SENP8: variants seen among roughly 807,000 people sequenced by gnomAD.
SENP8 encodes the protein sentrin-specific protease 8.
A neutral mutation model predicts 14.4 loss-of-function variants in SENP8; 10 were observed. The ratio of observed to expected loss-of-function variants is 0.69; its 90% CI spans 0.43 to 1.18. SENP8 has a LOEUF of 1.18. Ranked by LOEUF, SENP8 falls within the 50% of genes most tolerant of loss-of-function variation. SENP8 has a pLI of 0.00. For missense variants in SENP8, 202 were observed against 249.4 expected, an observed-to-expected ratio of 0.81 and a Z score of 1.28; for synonymous variants, 94 against 95.5, an observed-to-expected ratio of 0.98 and a Z score of 0.09.
chr15:72,119,679 C>T (rs1327012803), intron 1 of SENP8, among the ~76,000 whole-genome samples: 2 of 152,120 alleles, frequency 1.3e-5, no homozygotes, highest in Non-Finnish European at 2.9e-5. Flanking sequence ...ACCCGGAAGG[C>T]GGAGCTTGCA....
At chr15:72,118,118 A>T, upstream of SENP8, 1 of 382,020 alleles carries the variant, frequency 2.6e-6, no homozygotes, top group Non-Finnish European at 4.6e-6. Context: ...GCCCCGCGCG[A>T]CTCCCCGGCT....
rs565905585 is a variant in SENP8, at chr15:72,130,353, T to G, written c.-47-9224T>G. On this transcript the variant is annotated intron_variant, in intron 1 of 1. Transcript: ENST00000340912. ...CTAGAATAGGGATTGGCAAACTTTT[T>G]CTCTAAAAGGCCAAATAGTAAATAT... Among the ~76,000 whole-genome samples the G allele has an allele frequency of 6.1e-4, 93 of 152,256 alleles. 1 individual carries two copies. Among genetic ancestry groups the G allele is most frequent in the Non-Finnish European group, 1.2e-3 (81 of 68,022 alleles).
upstream of SENP8, chr15:72,117,575 T>C (rs1315055296): frequency 5.3e-6 from 2 of 379,610 alleles, no homozygotes; most frequent in Non-Finnish European, 9.3e-6. Flanking sequence ...TCGCGGGGCG[T>C]CTCCGCTGGG....
At position 72,140,355 on chromosome 15, in the gene SENP8, C is replaced by T; in HGVS notation, c.*93C>T. 2.3e-6 allele frequency: 2 copies of T among 861,038 alleles called. No individual in the cohort carries two copies. Among genetic ancestry groups the T allele is most frequent in the South Asian group, 1.6e-5 (1 of 61,478 alleles). 53.3% of individuals were successfully genotyped at this position (861,038 alleles called of 1,614,324 possible). A position where few individuals can be genotyped will look rare whatever the true frequency, so the allele number is the denominator to read the frequency against. ...CAATCTCAGTGCCTGAGGGAAGATG[C>T]CTAGTAGAGGAAAGCTTAATACTCT... On this transcript the variant is annotated 3_prime_UTR_variant, in exon 2 of 2. Transcript: ENST00000340912.
At chr15:72,132,470 T>C (rs1402116292) in intron 1 of SENP8, among the ~76,000 whole-genome samples, 1 of 152,118 alleles carries the variant, frequency 6.6e-6, no homozygotes. Flanking sequence ...TGGCAAACAT[T>C]TATTGCACTT....
intron 1 of SENP8, among the ~76,000 whole-genome samples, chr15:72,119,256 G>T (rs959281492): frequency 6.6e-6 from 1 of 152,298 alleles, no homozygotes; most frequent in South Asian, 2.1e-4. Context: ...ACGCAACCTT[G>T]TATGTGCATT....
At chr15:72,131,808 G>C (rs977504969) in intron 1 of SENP8, among the ~76,000 whole-genome samples, 6 of 152,200 alleles carry the variant, frequency 3.9e-5, no homozygotes, top group Non-Finnish European at 4.4e-5. Context: ...AAGCACAAGA[G>C]CAGAGTCATG....
intron 1 of SENP8, among the ~76,000 whole-genome samples, chr15:72,129,463 A>C (rs2140507713): frequency 6.6e-6 from 1 of 151,808 alleles, no homozygotes; most frequent in East Asian, 2.0e-4. Context: ...CCTGGGTTCA[A>C]GCGATTCTCC....
intron 1 of SENP8, among the ~76,000 whole-genome samples, chr15:72,126,174 A>C (rs2081217039): frequency 6.6e-6 from 1 of 152,114 alleles, no homozygotes; most frequent in Non-Finnish European, 1.5e-5. Flanking sequence ...AAGCCTGTGG[A>C]ACTGAGCTGT....
upstream of SENP8, among the ~76,000 whole-genome samples, chr15:72,116,309 C>T (rs2080975842): frequency 6.6e-6 from 1 of 152,154 alleles, no homozygotes; most frequent in African/African-American, 2.4e-5. Context: ...GTGTGTATGA[C>T]TACAAAGACC....
intron 1 of SENP8, among the ~76,000 whole-genome samples, chr15:72,127,088 T>C (rs1408819706): frequency 2.0e-5 from 3 of 152,244 alleles, no homozygotes; most frequent in Non-Finnish European, 4.4e-5. Context: ...TCATTTATTC[T>C]ACAATTATTT....
intron 1 of SENP8, among the ~76,000 whole-genome samples, chr15:72,131,897 G>A (rs1020856665): frequency 7.9e-5 from 12 of 152,128 alleles, no homozygotes; most frequent in African/African-American, 2.9e-4. Context: ...AATCTTTGGG[G>A]TCCATTATTG....
At chr15:72,133,924 CTT>C (rs931692564) in intron 1 of SENP8, among the ~76,000 whole-genome samples, 1 of 151,998 alleles carries the variant, frequency 6.6e-6, no homozygotes, top group Non-Finnish European at 1.5e-5. Context: ...CCTAGAAACA[CTT>C]TGTCTTTTTT....
At chr15:72,120,321 GCTAT>G (rs1344844518) in intron 1 of SENP8, among the ~76,000 whole-genome samples, 4 of 152,202 alleles carry the variant, frequency 2.6e-5, no homozygotes, top group African/African-American at 9.6e-5. Flanking sequence ...GTGTATGGCT[GCTAT>G]CTATTAACTA....
intron 1 of SENP8, among the ~76,000 whole-genome samples, chr15:72,127,920 C>G (rs2081235508): frequency 6.6e-6 from 1 of 151,884 alleles, no homozygotes; most frequent in African/African-American, 2.4e-5. Context: ...GAGACCCTGC[C>G]TCTATAAAAA....
At chr15:72,136,345 C>T (rs1270570965) in intron 1 of SENP8, among the ~76,000 whole-genome samples, 1 of 152,174 alleles carries the variant, frequency 6.6e-6, no homozygotes, top group African/African-American at 2.4e-5. Flanking sequence ...TGCCAAAAAG[C>T]TTAGAGCCAA....
rs754028247 is a variant in SENP8 at position 72,139,959 on chromosome 15, A to G, written c.336A>G (p.Lys112=). The G allele has an allele frequency of 6.2e-7, 1 of 1,614,128 alleles. No homozygotes were observed. Among genetic ancestry groups the G allele is most frequent in the East Asian group, 2.2e-5 (1 of 44,906 alleles). The change falls in exon 2 of 2, where the codon AAA becomes AAG. Residue 112 remains lysine (K), a synonymous_variant. Coordinates refer to ENST00000340912, the MANE Select transcript of SENP8 (RefSeq NM_145204.4). ...HWSLLVYLQD[K]NSFFHYDSHS... ...GTTTATTGGTCTACCTCCAAGATAAAAATAGCTTTTTTCATTATGATTCCC... is the reference window on the plus strand; with the variant it reads ...GTTTATTGGTCTACCTCCAAGATAAGAATAGCTTTTTTCATTATGATTCCC...
At chr15:72,118,622 C>G (rs1002888115) in intron 1 of SENP8, 158 bp downstream of exon 1, 1 of 152,210 alleles carries the variant, frequency 6.6e-6, no homozygotes, top group Non-Finnish European at 1.5e-5. Flanking sequence ...CACGCTCTCT[C>G]CACCCACTGC....
At chr15:72,121,925 T>G (rs561953972) in intron 1 of SENP8, among the ~76,000 whole-genome samples, 8 of 152,354 alleles carry the variant, frequency 5.3e-5, no homozygotes, top group Admixed American at 3.3e-4. Context: ...TTAGTACTTC[T>G]AATAAAGCAA....
Sources: allele counts gnomAD v4.1 joint callset (sites outside exome capture counted in the v4.1 genomes callset), GRCh38; gene constraint gnomAD v4.1.1; transcripts MANE v1.5; gene names NCBI Gene and HGNC (gene_info 2026-07-23, HGNC 2026-07-21).